VDR: variants seen among roughly 807,000 people sequenced by gnomAD.
VDR encodes vitamin D3 receptor.
Under a neutral mutation model 39.7 loss-of-function variants are expected in VDR, and 19 were observed. That is an observed-to-expected ratio of 0.48 (90% CI 0.33 to 0.70). The LOEUF is 0.70. Among genes scored for constraint, VDR ranks in the 30% least tolerant of loss-of-function variants. The probability of loss-of-function intolerance (pLI) is 0.02; values close to 1 mark genes in which losing one functional copy is unlikely to be tolerated. For synonymous variants in VDR, 242 were observed against 215.8 expected (o/e 1.12, Z -1.07); for missense variants, 442 against 570.5 (o/e 0.77, Z 2.29).
chr12:47,873,424 A>T, intron 3 of VDR, among the ~76,000 whole-genome samples: 1 of 130,650 alleles, frequency 7.7e-6, no homozygotes, highest in East Asian at 2.7e-4. Context: ...GCAGTGGCGC[A>T]ATCTCGGCTC....
chr12:47,894,172 C>G (rs1946421614), intron 1 of VDR, among the ~76,000 whole-genome samples: 1 of 152,196 alleles, frequency 6.6e-6, no homozygotes, highest in South Asian at 2.1e-4. Flanking sequence ...AATGCTGCCC[C>G]AGGACAGAGG....
intron 1 of VDR, among the ~76,000 whole-genome samples, chr12:47,888,391 TCTGGGG>T (rs891028801): frequency 1.3e-5 from 2 of 152,154 alleles, no homozygotes; most frequent in Admixed American, 6.6e-5. Context: ...CCAAGGCTAC[TCTGGGG>T]AACTCCAGCA....
Position 47,846,691 on chromosome 12 carries a change from T to C in VDR, c.873A>G (p.Gln291=). The C allele has an allele frequency of 6.2e-7, 1 of 1,614,114 alleles. No individual in the cohort carries two copies. The highest frequency in any genetic ancestry group is 8.5e-7 in the Non-Finnish European group (1 of 1,180,042). The change falls in exon 8 of 10, where the codon CAA becomes CAG. Residue 291 remains glutamine, a synonymous_variant. Transcript: ENST00000549336. ...MDDMSWTCGN[Q]DYKYRVSDVT... ...CGTCACTGACGCGGTACTTGTAGTCTTGGTTGCCACAGGTCCAGGACATGT... is the reference window on the plus strand; with the variant it reads ...CGTCACTGACGCGGTACTTGTAGTCCTGGTTGCCACAGGTCCAGGACATGT...
chr12:47,862,205 G>T (rs928571530), intron 4 of VDR, among the ~76,000 whole-genome samples: 2 of 152,332 alleles, frequency 1.3e-5, no homozygotes, highest in East Asian at 1.9e-4. Context: ...GGTTCCCAGG[G>T]TATAAAGTCA....
At chr12:47,849,489 G>A (rs1169981050) in intron 7 of VDR, among the ~76,000 whole-genome samples, 2 of 152,182 alleles carry the variant, frequency 1.3e-5, no homozygotes, top group African/African-American at 4.8e-5. Flanking sequence ...ACTCATTTGT[G>A]GTTTACAGTT....
chr12:47,880,947 A>G (rs1222619856), intron 2 of VDR, among the ~76,000 whole-genome samples: 1 of 148,886 alleles, frequency 6.7e-6, no homozygotes, highest in Non-Finnish European at 1.5e-5. Context: ...TATACATTAA[A>G]GTTTAGCAAG....
Position 47,844,605 on chromosome 12 carries a change from C to T in VDR, c.*141G>A. On this transcript the variant is annotated 3_prime_UTR_variant, in exon 10 of 10. Transcript: ENST00000549336. ...TAGGTTGGACAGGAGAGAGAATGGG[C>T]TGGGTGGATAGGGGAGGTGGCAGAG... 3.5e-6 allele frequency: 4 copies of T among 1,157,568 alleles called. No homozygotes were observed. The highest frequency in any genetic ancestry group is 3.7e-6 in the Non-Finnish European group (3 of 808,602). 71.7% of individuals were successfully genotyped at this position (1,157,568 alleles called of 1,614,324 possible). A position where few individuals can be genotyped will look rare whatever the true frequency, so the allele number is the denominator to read the frequency against.
At chr12:47,873,869 C>G (rs527467538) in intron 3 of VDR, among the ~76,000 whole-genome samples, 2 of 152,132 alleles carry the variant, frequency 1.3e-5, no homozygotes, top group African/African-American at 4.8e-5. Flanking sequence ...TAGGACAAAT[C>G]CCTCTAGGGA....
chr12:47,863,285 T>G (rs1945661847), intron 4 of VDR, among the ~76,000 whole-genome samples: 1 of 152,234 alleles, frequency 6.6e-6, no homozygotes, highest in Non-Finnish European at 1.5e-5. Context: ...TTTACCTCTC[T>G]GAGTCTCAGA....
intron 1 of VDR, among the ~76,000 whole-genome samples, chr12:47,896,002 G>A (rs1565637691): frequency 1.3e-5 from 2 of 152,216 alleles, no homozygotes; most frequent in Admixed American, 1.3e-4. Context: ...AGAAGTGCAG[G>A]CTCTGGAGGC....
At chr12:47,851,817 CAG>C (rs1378566071) in intron 7 of VDR, among the ~76,000 whole-genome samples, 11 of 152,230 alleles carry the variant, frequency 7.2e-5, no homozygotes, top group Non-Finnish European at 1.6e-4. Flanking sequence ...ATACTGAAGA[CAG>C]AGAAGCCAAC....
intron 1 of VDR, among the ~76,000 whole-genome samples, chr12:47,903,166 T>G (rs532973039): frequency 6.6e-6 from 1 of 152,328 alleles, no homozygotes; most frequent in South Asian, 2.1e-4. Context: ...TTACCCCATT[T>G]TCTAGTCCCT....
At chr12:47,845,102 G>A (rs1945254728) in intron 9 of VDR, 97 bp from the exon 10 acceptor site, 1 of 1,578,526 alleles carries the variant, frequency 6.3e-7, no homozygotes, top group Admixed American at 1.7e-5. Context: ...ACACTCAACG[G>A]CAGCACCCCC....
chr12:47,854,117 T>C lies in VDR; in HGVS notation c.755+1513A>G, dbSNP rs540571871. On this transcript the variant is annotated intron_variant, in intron 7 of 9. Transcript: ENST00000549336. ...AAAATGTATCAGTATGGTTAGGAAA[T>C]GGTCTTTATTTTTTTCTTTTTTGAG... Among the ~76,000 whole-genome samples, 5 of 152,142 alleles carry C rather than the reference T, an allele frequency of 3.3e-5. No homozygotes were observed. The South Asian group carries it at 1.0e-3, about 32-fold the overall frequency.
chr12:47,866,018 C>A (rs914694067), intron 3 of VDR, among the ~76,000 whole-genome samples: 2 of 150,386 alleles, frequency 1.3e-5, no homozygotes, highest in African/African-American at 4.9e-5. Flanking sequence ...CACAGCCACG[C>A]CCCGACTCTT....
In VDR at chr12:47,843,951, GC is replaced by G. The variant is rs916755543; in HGVS notation, c.*794del. 916 of 110,684 alleles carry G rather than the reference GC, an allele frequency of 8.3e-3. 12 individuals carry two copies. The highest frequency in any genetic ancestry group is 0.028 in the African/African-American group (870 of 30,956). The allele number at this position is 110,684 out of a possible 1,614,324, so 6.9% of individuals were successfully genotyped here. Reference sequence around the variant, plus strand: ...CTCCTGGGCAGGAGGTAAGGCACTGGCAGGGGGAGGACGAGGTCGGCAGGTG... The same window carrying G: ...CTCCTGGGCAGGAGGTAAGGCACTGGAGGGGGAGGACGAGGTCGGCAGGTG... On this transcript the variant is annotated 3_prime_UTR_variant, in exon 10 of 10. Transcript: ENST00000549336.
intron 1 of VDR, chr12:47,901,335 G>A (rs138718965): frequency 1.6e-3 from 245 of 155,388 alleles, no homozygotes; most frequent in Non-Finnish European, 3.2e-3. Context: ...CCAGAAGGCA[G>A]GACAGTTTCT....
At chr12:47,891,431 C>T (rs557071298) in intron 1 of VDR, among the ~76,000 whole-genome samples, 2 of 152,278 alleles carry the variant, frequency 1.3e-5, no homozygotes, top group Admixed American at 6.5e-5. Flanking sequence ...ACTTCAGGCC[C>T]GAGAGAGGTG....
At chr12:47,889,380 C>T (rs570532839) in intron 1 of VDR, among the ~76,000 whole-genome samples, 52 of 152,092 alleles carry the variant, frequency 3.4e-4, no homozygotes, top group Non-Finnish European at 6.5e-4. Context: ...AGGCCTGATG[C>T]AGACTGCAGC....
Sources: gnomAD v4.1 joint callset for allele counts (sites outside exome capture counted in the v4.1 genomes callset) on GRCh38, gnomAD v4.1.1 for gene constraint, MANE v1.5 for transcripts, NCBI Gene and HGNC (gene_info 2026-07-23, HGNC 2026-07-21) for gene names.